Variants in XRN2 observed in about 807,000 individuals in gnomAD.
The protein encoded by XRN2 is DHM1-like protein.
Under a neutral mutation model 138.5 loss-of-function variants are expected in XRN2, and 44 were observed. That is an observed-to-expected ratio of 0.32 (90% CI 0.25 to 0.41). XRN2 has a LOEUF of 0.41. Among genes scored for constraint, XRN2 ranks in the 10% least tolerant of loss-of-function variants. The pLI, the probability that XRN2 is intolerant of heterozygous loss-of-function variation, is 1.00. For synonymous variants in XRN2, 354 were observed against 369.4 expected (o/e 0.96, Z 0.48); for missense variants, 937 against 1,169.3 (o/e 0.80, Z 2.90).
chr20:21,332,237 C>T (rs2038222260), intron 8 of XRN2, 46 bp from the exon 9 acceptor site: 2 of 1,582,114 alleles, frequency 1.3e-6, no homozygotes, highest in Non-Finnish European at 1.7e-6. Flanking sequence ...TAAGACTTCT[C>T]TCAGAATACT....
At chr20:21,355,804 AT>A (rs2038569130) in intron 21 of XRN2, among the ~76,000 whole-genome samples, 1 of 152,164 alleles carries the variant, frequency 6.6e-6, no homozygotes, top group Non-Finnish European at 1.5e-5. Flanking sequence ...GGTAATTGGG[AT>A]ATCCATCACC....
intron 27 of XRN2, among the ~76,000 whole-genome samples, chr20:21,381,524 C>CT (rs1180313923): frequency 4.6e-5 from 7 of 152,142 alleles, no homozygotes; most frequent in African/African-American, 1.4e-4. Context: ...TGTGTGTGCT[C>CT]TGCTTAATGT....
At chr20:21,325,059 A>G (rs1358233551) in intron 1 of XRN2, among the ~76,000 whole-genome samples, 2 of 152,212 alleles carry the variant, frequency 1.3e-5, no homozygotes, top group Non-Finnish European at 2.9e-5. Context: ...GACTTTTCAT[A>G]TAAATGGGAT....
At chr20:21,368,639 G>A (rs1318735278) in intron 27 of XRN2, 49 bp downstream of exon 27, 4 of 1,601,030 alleles carry the variant, frequency 2.5e-6, no homozygotes, top group Non-Finnish European at 3.4e-6. Flanking sequence ...AAATATCACA[G>A]CAAATGTTGG....
In XRN2 at chr20:21,365,668, C is replaced by G. The variant is rs1568592879; in HGVS notation, c.2420C>G (p.Pro807Arg). 6.3e-7 allele frequency: 1 copy of G among 1,575,416 alleles called. No homozygotes were observed. Among genetic ancestry groups the G allele is most frequent in the Admixed American group, 1.8e-5 (1 of 57,138 alleles). Residue 807 changes from proline (P) to arginine (R), a missense_variant, in exon 26 of 30, where the codon CCT becomes CGT. Pro to Arg is a moderately radical substitution (Grantham distance 103, BLOSUM62 -2). Transcript: ENST00000377191. Reference protein sequence around the residue: ...PQLGFNRDRRPVHLDQAAFRT... With the variant: ...PQLGFNRDRRRVHLDQAAFRT... ...CTTGGCTTTAACCGTGACCGGAGGCCTGTGCACCTGGATCAGGCAGCCTTC... is the reference window on the plus strand; with the variant it reads ...CTTGGCTTTAACCGTGACCGGAGGCGTGTGCACCTGGATCAGGCAGCCTTC...
chr20:21,341,164 A>T (rs1352053480), intron 15 of XRN2, among the ~76,000 whole-genome samples: 2 of 152,200 alleles, frequency 1.3e-5, no homozygotes, highest in African/African-American at 4.8e-5. Flanking sequence ...TGTAATGCAG[A>T]TGAACCACAC....
chr20:21,335,629 G>A (rs2038276250), intron 13 of XRN2, among the ~76,000 whole-genome samples: 1 of 152,216 alleles, frequency 6.6e-6, no homozygotes, highest in South Asian at 2.1e-4. Context: ...TTGTCTGGAA[G>A]ATCAGATGTC....
intron 1 of XRN2, among the ~76,000 whole-genome samples, chr20:21,304,370 T>A (rs1600664271): frequency 6.6e-6 from 1 of 152,078 alleles, no homozygotes; most frequent in Non-Finnish European, 1.5e-5. Flanking sequence ...TTTTTAACTT[T>A]CTTGGCTTCT....
intron 20 of XRN2, among the ~76,000 whole-genome samples, chr20:21,351,910 T>C (rs1422570680): frequency 6.6e-6 from 1 of 152,222 alleles, no homozygotes; most frequent in African/African-American, 2.4e-5. Flanking sequence ...TTCTAGTCCA[T>C]TGAGCTATGT....
chr20:21,340,463 CTA>C (rs903155918), intron 14 of XRN2, among the ~76,000 whole-genome samples: 6 of 152,166 alleles, frequency 3.9e-5, no homozygotes, highest in Middle Eastern at 6.8e-3. Context: ...AAGATTTTCT[CTA>C]TGTTTCAGTA....
At chr20:21,340,604 G>A (rs1310339269) in intron 14 of XRN2, 117 bp from the exon 15 acceptor site, 1 of 1,157,642 alleles carries the variant, frequency 8.6e-7, no homozygotes, top group African/African-American at 1.5e-5. Flanking sequence ...TGGTTTTTTA[G>A]TGAGTTTTGT....
chr20:21,338,992 C>CT, intron 13 of XRN2, 52 bp from the exon 14 acceptor site: 4 of 1,545,676 alleles, frequency 2.6e-6, no homozygotes, highest in Non-Finnish European at 3.6e-6. Flanking sequence ...ATGCTTAACT[C>CT]TGACATTTTT....
chr20:21,389,549 T>C lies in XRN2; in HGVS notation c.*211T>C, dbSNP rs970977354. The C allele has an allele frequency of 9.2e-6, 4 of 436,200 alleles. No homozygotes were observed. The highest frequency in any genetic ancestry group is 4.1e-5 in the African/African-American group (2 of 49,032). The allele number at this position is 436,200 out of a possible 1,614,324, so 27.0% of individuals were successfully genotyped here. ...AATACAGTGGATCTGAATTTATTAT[T>C]GCTTATAAAACACATTTGATGGAAT... is the stretch of plus-strand genomic sequence containing the variant. On this transcript the variant is annotated 3_prime_UTR_variant, in exon 30 of 30. Transcript: ENST00000377191.
At chr20:21,381,914 C>A in intron 27 of XRN2, 80 bp from the exon 28 acceptor site, 1 of 1,184,804 alleles carries the variant, frequency 8.4e-7, no homozygotes, top group Non-Finnish European at 1.1e-6. Flanking sequence ...TTTTCAAGAA[C>A]TTTTAATTAT....
intron 24 of XRN2, among the ~76,000 whole-genome samples, chr20:21,361,427 T>C (rs1361593830): frequency 6.6e-6 from 1 of 152,164 alleles, no homozygotes; most frequent in Non-Finnish European, 1.5e-5. Context: ...TTGGAAAAAG[T>C]GGATGAAAAT....
intron 14 of XRN2, among the ~76,000 whole-genome samples, chr20:21,340,209 C>T (rs888311865): frequency 2.6e-5 from 4 of 151,982 alleles, no homozygotes; most frequent in African/African-American, 7.2e-5. Flanking sequence ...GTGAGAGGAT[C>T]GCTTGAATTC....
At chr20:21,380,685 T>A (rs998064336) in intron 27 of XRN2, among the ~76,000 whole-genome samples, 1 of 152,216 alleles carries the variant, frequency 6.6e-6, no homozygotes, top group African/African-American at 2.4e-5. Flanking sequence ...ACCTTTTAAT[T>A]CACAATGGGA....
At chr20:21,377,561 G>GTT (rs5840914) in intron 27 of XRN2, among the ~76,000 whole-genome samples, 12,116 of 147,600 alleles carry the variant, frequency 0.082, 641 homozygotes, top group East Asian at 0.16. Flanking sequence ...TCCGGCCTGT[G>GTT]TTTTTTTTTT....
intron 1 of XRN2, among the ~76,000 whole-genome samples, chr20:21,323,556 CTT>C (rs1323786147): frequency 1.3e-5 from 2 of 152,158 alleles, no homozygotes; most frequent in African/African-American, 4.8e-5. Context: ...AGAGTCTTCT[CTT>C]GATGAAAGGA....
Sources: allele counts gnomAD v4.1 joint callset (sites outside exome capture counted in the v4.1 genomes callset), GRCh38; gene constraint gnomAD v4.1.1; transcripts MANE v1.5; gene names NCBI Gene and HGNC (gene_info 2026-07-23, HGNC 2026-07-21).